The following RAD54L2 variants were observed in gnomAD, a reference collection of about 807,000 sequenced individuals.
The protein encoded by RAD54L2 is RAD54 like 2, also known as helicase ARIP4.
A neutral mutation model predicts 138.4 loss-of-function variants in RAD54L2; 27 were observed. The observed-to-expected ratio is 0.20, with a 90% CI of 0.14 to 0.27. The LOEUF (loss-of-function observed/expected upper bound fraction) is 0.27, where lower values mean the gene tolerates loss of function less well. Ranked by LOEUF, RAD54L2 falls within the 10% of genes least tolerant of loss-of-function variation. The pLI, the probability that RAD54L2 is intolerant of heterozygous loss-of-function variation, is 1.00. For synonymous variants in RAD54L2, 644 were observed against 723.2 expected, an observed-to-expected ratio of 0.89 and a Z score of 1.76; for missense variants, 1,396 against 1,890.2, an observed-to-expected ratio of 0.74 and a Z score of 4.85.
intron 3 of RAD54L2, among the ~76,000 whole-genome samples, chr3:51,615,387 G>A (rs1700422526): frequency 6.6e-6 from 1 of 152,146 alleles, no homozygotes; most frequent in South Asian, 2.1e-4. Context: ...GGGAAAGCGT[G>A]GTCCACAGAG....
chr3:51,548,754 A>C (rs1179179434), intron 2 of RAD54L2, among the ~76,000 whole-genome samples: 1 of 151,460 alleles, frequency 6.6e-6, no homozygotes, highest in African/African-American at 2.4e-5. Context: ...TAGAGGATAC[A>C]CACAAGGAAG....
intron 2 of RAD54L2, among the ~76,000 whole-genome samples, chr3:51,572,469 A>G (rs1297022442): frequency 4.0e-5 from 6 of 149,908 alleles, no homozygotes. Context: ...AAAAAAAAAA[A>G]AGGCTGGACA....
intron 14 of RAD54L2, among the ~76,000 whole-genome samples, chr3:51,641,547 C>T (rs1701136418): frequency 6.6e-6 from 1 of 152,108 alleles, no homozygotes; most frequent in African/African-American, 2.4e-5. Context: ...GAACTCCTGA[C>T]CTTAGGTGAT....
intron 2 of RAD54L2, among the ~76,000 whole-genome samples, chr3:51,552,854 G>A (rs1002627734): frequency 1.3e-4 from 20 of 152,182 alleles, no homozygotes; most frequent in African/African-American, 4.8e-4. Flanking sequence ...GCTACCATGC[G>A]TGGCTGGGAA....
At chr3:51,566,321 A>G (rs1414931912) in intron 2 of RAD54L2, among the ~76,000 whole-genome samples, 1 of 152,018 alleles carries the variant, frequency 6.6e-6, no homozygotes, top group East Asian at 1.9e-4. Context: ...TTCTGAATTT[A>G]AAGGGTACAC....
At chr3:51,588,126 C>G (rs1386227563) in intron 2 of RAD54L2, among the ~76,000 whole-genome samples, 1 of 131,974 alleles carries the variant, frequency 7.6e-6, no homozygotes, top group Admixed American at 9.3e-5. Context: ...GTGGAGCTTG[C>G]AGTAAGCCAA....
chr3:51,596,258 C>T (rs1447231776), intron 3 of RAD54L2, among the ~76,000 whole-genome samples: 1 of 149,752 alleles, frequency 6.7e-6, no homozygotes, highest in African/African-American at 2.5e-5. Context: ...GCAGTAGACT[C>T]TTACTTAATG....
intron 3 of RAD54L2, among the ~76,000 whole-genome samples, chr3:51,610,083 C>G (rs919801076): frequency 5.9e-5 from 9 of 151,608 alleles, no homozygotes; most frequent in African/African-American, 2.2e-4. Flanking sequence ...TTGCAGTGAG[C>G]CGAGATCGAG....
At chr3:51,567,996 G>A (rs563246148) in intron 2 of RAD54L2, among the ~76,000 whole-genome samples, 7 of 151,660 alleles carry the variant, frequency 4.6e-5, no homozygotes, top group Admixed American at 3.3e-4. Flanking sequence ...TGGATGTGAA[G>A]GTGAAGTTAT....
At chr3:51,636,939 GAA>G (rs1052219634) in intron 10 of RAD54L2, 1 of 548,698 alleles carries the variant, frequency 1.8e-6, no homozygotes, top group Non-Finnish European at 3.3e-6. Flanking sequence ...TCTCAAAAAA[GAA>G]AAAAAAAGAG....
intron 20 of RAD54L2, among the ~76,000 whole-genome samples, chr3:51,657,100 G>T (rs183614234): frequency 7.5e-4 from 114 of 152,196 alleles, no homozygotes; most frequent in Non-Finnish European, 1.4e-3. Flanking sequence ...TGAAACACAT[G>T]AAAAGAAAAA....
At chr3:51,609,676 A>G (rs1425902320) in intron 3 of RAD54L2, among the ~76,000 whole-genome samples, 1 of 146,602 alleles carries the variant, frequency 6.8e-6, no homozygotes, top group Non-Finnish European at 1.5e-5. Flanking sequence ...TTTTTTCTCA[A>G]CTACTGAATC....
chr3:51,592,514 T>C (rs1699860594), intron 3 of RAD54L2, among the ~76,000 whole-genome samples: 2 of 152,146 alleles, frequency 1.3e-5, no homozygotes, highest in Non-Finnish European at 1.5e-5. Flanking sequence ...TATATTTCAC[T>C]ACAGTGTTAG....
intron 2 of RAD54L2, among the ~76,000 whole-genome samples, chr3:51,565,892 G>A (rs1279426691): frequency 3.5e-5 from 5 of 144,202 alleles, no homozygotes; most frequent in South Asian, 2.2e-4. Flanking sequence ...GCTGTGGCGC[G>A]ATCTCAGCTC....
chr3:51,663,347 T>C lies in RAD54L2; in HGVS notation c.4331T>C (p.Val1444Ala). The C allele has an allele frequency of 6.2e-7, 1 of 1,613,744 alleles. No individual in the cohort carries two copies. Residue 1444 changes from valine (V) to alanine (A), a missense_variant, in exon 23 of 23, where the codon GTT (valine) becomes GCT (alanine). Val to Ala is a moderately conservative substitution (Grantham distance 64, BLOSUM62 0). This residue lies in a region of RAD54L2 where 634 missense variants were observed against 711.2 expected (regional missense o/e 0.89). Coordinates refer to ENST00000684192, the MANE Select transcript of RAD54L2 (RefSeq NM_015106.4). The part of the protein sequence containing the change: ...SQVPPFDSHE[V>A]AEVGFSSNDD... Reference sequence around the variant, plus strand: ...GTGCCTCCATTTGACTCTCATGAGGTTGCCGAGGTTGGGTTCAGCTCCAAT... The same window carrying C: ...GTGCCTCCATTTGACTCTCATGAGGCTGCCGAGGTTGGGTTCAGCTCCAAT...
intron 2 of RAD54L2, among the ~76,000 whole-genome samples, chr3:51,542,449 CTTT>C (rs869048851): frequency 1.4e-5 from 2 of 142,844 alleles, no homozygotes; most frequent in African/African-American, 2.6e-5. Context: ...TTGAGGTTGT[CTTT>C]TTTTTTTTTT....
At chr3:51,555,082 A>AC (rs1046081535) in intron 2 of RAD54L2, among the ~76,000 whole-genome samples, 2 of 151,906 alleles carry the variant, frequency 1.3e-5, no homozygotes, top group African/African-American at 4.8e-5. Flanking sequence ...GCCTCAAGTG[A>AC]CCCGCCCACA....
At position 51,630,779 on chromosome 3, in the gene RAD54L2, G is replaced by C; in HGVS notation, c.673G>C (p.Asp225His). 6 of 1,614,004 alleles carry C rather than the reference G, an allele frequency of 3.7e-6. No individual in the cohort carries two copies. Among genetic ancestry groups the C allele is most frequent in the Non-Finnish European group, 5.1e-6 (6 of 1,179,872 alleles). Residue 225 changes from aspartate to histidine, a missense_variant, in exon 7 of 23, where the codon GAT (aspartate) becomes CAT (histidine). By Grantham distance (81) the Asp-to-His change is moderately conservative (BLOSUM62 -1). Transcript: ENST00000684192. ...CAGCAGTGAATCTGTCAGTGAAGATGATGAGGAAGAAGAGAAGGGTGGCAC... is the reference window on the plus strand; with the variant it reads ...CAGCAGTGAATCTGTCAGTGAAGATCATGAGGAAGAAGAGAAGGGTGGCAC... ...VDSSESVSED[D>H]EEEEKGGTHV... is the part of the protein sequence containing the mutation.
intron 2 of RAD54L2, among the ~76,000 whole-genome samples, chr3:51,583,061 G>A (rs1255150112): frequency 6.6e-6 from 1 of 152,078 alleles, no homozygotes; most frequent in African/African-American, 2.4e-5. Flanking sequence ...CACCATGCCC[G>A]GCCAAGAATG....
Sources: allele counts gnomAD v4.1 joint callset (sites outside exome capture counted in the v4.1 genomes callset), GRCh38; gene constraint gnomAD v4.1.1; regional missense constraint gnomAD v4.1.1; transcripts MANE v1.5; gene names NCBI Gene and HGNC (gene_info 2026-07-23, HGNC 2026-07-21).